MACROD2: variants seen among roughly 807,000 people sequenced by gnomAD.
The protein encoded by MACROD2 is mono-ADP ribosylhydrolase 2.
MACROD2 carries 36 observed loss-of-function variants against 70.4 expected under a neutral mutation model. The ratio of observed to expected loss-of-function variants is 0.51; its 90% CI spans 0.39 to 0.68. MACROD2 has a LOEUF of 0.68. Ranked by LOEUF, MACROD2 falls within the 30% of genes least tolerant of loss-of-function variation. MACROD2 has a pLI of 0.00. For synonymous variants in MACROD2, 172 were observed against 178.8 expected (o/e 0.96, Z 0.30); for missense variants, 496 against 538.4 (o/e 0.92, Z 0.78).
At chr20:15,470,562 C>T (rs779037248) in intron 7 of MACROD2, among the ~76,000 whole-genome samples, 3 of 152,134 alleles carry the variant, frequency 2.0e-5, no homozygotes, top group Non-Finnish European at 4.4e-5. Flanking sequence ...CTTGCACTTC[C>T]GGGCCACTTT....
At position 14,298,472 on chromosome 20, in the gene MACROD2, G is replaced by A. The variant is rs371178708; in HGVS notation, c.272-195007G>A. 5.9e-5 allele frequency among the ~76,000 whole-genome samples: 9 copies of A among 151,370 alleles called. 1 individual carries two copies. Among genetic ancestry groups the A allele is most frequent in the African/African-American group, 1.7e-4 (7 of 40,902 alleles). ...AATCCTAGCTACTCAGGAGGCTGAG[G>A]CAGGAGAATCACTTGAACCCGGGAG... On this transcript the variant is annotated intron_variant, in intron 3 of 17. Coordinates refer to ENST00000684519, the MANE Select transcript of MACROD2 (RefSeq NM_001351661.2).
chr20:15,868,859 C>T (rs1269980683), intron 9 of MACROD2, among the ~76,000 whole-genome samples: 4 of 152,052 alleles, frequency 2.6e-5, no homozygotes, highest in African/African-American at 9.7e-5. Context: ...TCATAACTCA[C>T]TGCAGCCTCG....
At chr20:14,516,002 T>C (rs923839304) in intron 4 of MACROD2, among the ~76,000 whole-genome samples, 2 of 147,510 alleles carry the variant, frequency 1.4e-5, no homozygotes, top group Non-Finnish European at 3.0e-5. Context: ...TTTTATATAT[T>C]ATATACTTTA....
intron 8 of MACROD2, among the ~76,000 whole-genome samples, chr20:15,820,087 C>T (rs938457722): frequency 6.6e-6 from 1 of 152,036 alleles, no homozygotes; most frequent in Non-Finnish European, 1.5e-5. Flanking sequence ...ATACCATGCT[C>T]TATATCCTAG....
chr20:15,880,798 G>A (rs906998779), intron 9 of MACROD2, among the ~76,000 whole-genome samples: 1 of 152,028 alleles, frequency 6.6e-6, no homozygotes, highest in Non-Finnish European at 1.5e-5. Context: ...AGGCAGGCTG[G>A]CATGCACTGA....
At chr20:15,376,034 G>A (rs2045558028) in intron 6 of MACROD2, among the ~76,000 whole-genome samples, 1 of 152,114 alleles carries the variant, frequency 6.6e-6, no homozygotes, top group Admixed American at 6.6e-5. Context: ...GAACTTTTTT[G>A]AGGCCATGTG....
intron 5 of MACROD2, among the ~76,000 whole-genome samples, chr20:15,194,718 A>T (rs959404029): frequency 1.3e-5 from 2 of 152,168 alleles, no homozygotes; most frequent in Non-Finnish European, 2.9e-5. Context: ...ATTAAATGCT[A>T]TTATCTAACC....
At chr20:15,024,482 C>T (rs528342265) in intron 5 of MACROD2, among the ~76,000 whole-genome samples, 7 of 149,268 alleles carry the variant, frequency 4.7e-5, no homozygotes, top group South Asian at 4.2e-4. Context: ...ACCTAATTTT[C>T]GAGTGATTTG....
chr20:14,239,140 A>G (rs560586463), intron 3 of MACROD2, among the ~76,000 whole-genome samples: 61 of 152,262 alleles, frequency 4.0e-4, no homozygotes, highest in Non-Finnish European at 7.6e-4. Flanking sequence ...AAAAGAGAAT[A>G]AAGTACTTAG....
intron 4 of MACROD2, among the ~76,000 whole-genome samples, chr20:14,505,448 T>A (rs2084958193): frequency 6.6e-6 from 1 of 152,240 alleles, no homozygotes; most frequent in Non-Finnish European, 1.5e-5. Flanking sequence ...CGCCAATGGT[T>A]AATTCATCCT....
intron 4 of MACROD2, among the ~76,000 whole-genome samples, chr20:14,665,817 C>T (rs2070731246): frequency 6.6e-6 from 1 of 152,010 alleles, no homozygotes; most frequent in Non-Finnish European, 1.5e-5. Flanking sequence ...TTTATCTTCC[C>T]ATTCAAAACA....
At chr20:14,149,324 C>T (rs1474307846) in intron 3 of MACROD2, among the ~76,000 whole-genome samples, 1 of 151,836 alleles carries the variant, frequency 6.6e-6, no homozygotes, top group African/African-American at 2.4e-5. Context: ...CTTCAAAGAA[C>T]GTGATTTCAT....
intron 5 of MACROD2, among the ~76,000 whole-genome samples, chr20:15,041,167 G>C (rs76412046): frequency 0.019 from 2,837 of 152,250 alleles, 99 homozygotes; most frequent in African/African-American, 0.064. Flanking sequence ...ATTTGTGGAA[G>C]AAAAAGCCAA....
At chr20:15,879,079 G>A (rs749261621) in intron 9 of MACROD2, among the ~76,000 whole-genome samples, 3 of 152,098 alleles carry the variant, frequency 2.0e-5, no homozygotes, top group Non-Finnish European at 4.4e-5. Flanking sequence ...GGAAGGAAAG[G>A]GGATTTTTCT....
intron 5 of MACROD2, among the ~76,000 whole-genome samples, chr20:14,977,944 C>A (rs1021331718): frequency 1.3e-5 from 2 of 151,982 alleles, no homozygotes. Context: ...ATTCAAAAAT[C>A]CTTTGTTTTA....
intron 7 of MACROD2, among the ~76,000 whole-genome samples, chr20:15,444,771 A>G (rs2046539561): frequency 6.6e-6 from 1 of 152,002 alleles, no homozygotes; most frequent in Admixed American, 6.6e-5. Context: ...TCAATTCTAA[A>G]ATGAGGTTAA....
chr20:15,558,975 G>T (rs1177715393), intron 8 of MACROD2, among the ~76,000 whole-genome samples: 1 of 152,084 alleles, frequency 6.6e-6, no homozygotes, highest in Admixed American at 6.6e-5. Flanking sequence ...ATGCATTAAA[G>T]ATTCTCACTT....
At chr20:15,643,556 G>A (rs1224582525) in intron 8 of MACROD2, among the ~76,000 whole-genome samples, 1 of 152,150 alleles carries the variant, frequency 6.6e-6, no homozygotes, top group Non-Finnish European at 1.5e-5. Flanking sequence ...TGGTTTGTTT[G>A]TGGTCTGAGC....
intron 6 of MACROD2, among the ~76,000 whole-genome samples, chr20:15,422,026 G>A (rs565264325): frequency 1.1e-4 from 16 of 152,336 alleles, no homozygotes; most frequent in Admixed American, 7.8e-4. Context: ...AACAAGGTCA[G>A]TGGCCCTGGA....
Sources: gnomAD v4.1 joint callset for allele counts (sites outside exome capture counted in the v4.1 genomes callset) on GRCh38, gnomAD v4.1.1 for gene constraint, MANE v1.5 for transcripts, NCBI Gene and HGNC (gene_info 2026-07-23, HGNC 2026-07-21) for gene names.